The following GRM7 variants were observed in gnomAD, a reference collection of about 807,000 sequenced individuals.
GRM7 encodes glutamate metabotropic receptor 7.
GRM7 carries 35 observed loss-of-function variants against 84.5 expected under a neutral mutation model. The ratio of observed to expected loss-of-function variants is 0.41; its 90% CI spans 0.32 to 0.55. The LOEUF (loss-of-function observed/expected upper bound fraction) is 0.55, where lower values mean the gene tolerates loss of function less well. Ranked by LOEUF, GRM7 falls within the 20% of genes least tolerant of loss-of-function variation. The pLI is 0.19. For synonymous variants in GRM7, 487 were observed against 455.1 expected, an observed-to-expected ratio of 1.07 and a Z score of -0.89; for missense variants, 1,003 against 1,194.6, an observed-to-expected ratio of 0.84 and a Z score of 2.36.
At chr3:7,294,467 C>G (rs1699746288) in intron 2 of GRM7, among the ~76,000 whole-genome samples, 2 of 151,850 alleles carry the variant, frequency 1.3e-5, no homozygotes, top group African/African-American at 4.8e-5. Context: ...AGGGATATGT[C>G]TGTTGCTGGC....
chr3:7,165,854 G>A lies in GRM7; in HGVS notation c.736+19186G>A, dbSNP rs576133811. Among the ~76,000 whole-genome samples, 37 of 152,132 alleles carry A rather than the reference G, an allele frequency of 2.4e-4. No homozygotes were observed. In the South Asian group the frequency reaches 7.3e-3, roughly 30 times the overall value. ...TAACAATACTTGTATTATTTATTTG[G>A]CATTGACAATCCATTATTTTTTCTC... is the stretch of plus-strand genomic sequence containing the variant. On this transcript the variant is annotated intron_variant, in intron 2 of 9. Transcript: ENST00000357716.
chr3:7,256,243 T>C (rs1368544423), intron 2 of GRM7, among the ~76,000 whole-genome samples: 3 of 152,214 alleles, frequency 2.0e-5, no homozygotes, highest in Non-Finnish European at 4.4e-5. Flanking sequence ...TATTTATAAG[T>C]TTATAGTTTC....
chr3:7,527,175 A>T, intron 7 of GRM7, among the ~76,000 whole-genome samples: 1 of 151,686 alleles, frequency 6.6e-6, no homozygotes, highest in Non-Finnish European at 1.5e-5. Flanking sequence ...ACATTTTTTC[A>T]TTTCTTTTGT....
At chr3:6,975,195 T>TA (rs1693942474) in intron 1 of GRM7, among the ~76,000 whole-genome samples, 1 of 152,104 alleles carries the variant, frequency 6.6e-6, no homozygotes, top group Admixed American at 6.6e-5. Context: ...ATTTTCTCAG[T>TA]AAAAATTCCC....
rs369261195 is a variant in GRM7 at position 7,143,265 on chromosome 3, A to C, written c.520-3187A>C. Among the ~76,000 whole-genome samples, 424 of 152,310 alleles carry C rather than the reference A, an allele frequency of 2.8e-3. 1 individual carries two copies. The highest frequency in any genetic ancestry group is 4.8e-3 in the Non-Finnish European group (328 of 68,020). On this transcript the variant is annotated intron_variant, in intron 1 of 9. Transcript: ENST00000357716. ...CATTAACTTGAAAGCAAGTAACTAA[A>C]CATGAAGCATAATAGCCAGGACAAT...
At chr3:7,370,562 A>T in intron 4 of GRM7, among the ~76,000 whole-genome samples, 1 of 144,298 alleles carries the variant, frequency 6.9e-6, no homozygotes, top group Non-Finnish European at 1.5e-5. Context: ...TTTATAAATT[A>T]CTCATGAAGG....
At chr3:7,677,562 A>C (rs1700185263) in intron 8 of GRM7, among the ~76,000 whole-genome samples, 1 of 152,216 alleles carries the variant, frequency 6.6e-6, no homozygotes, top group African/African-American at 2.4e-5. Flanking sequence ...TGTAGAAAAA[A>C]TATGATTAGT....
At chr3:7,408,368 A>G (rs749899027) in intron 4 of GRM7, among the ~76,000 whole-genome samples, 2 of 152,166 alleles carry the variant, frequency 1.3e-5, no homozygotes, top group Non-Finnish European at 2.9e-5. Flanking sequence ...TACCTCATCC[A>G]TAAACACTTC....
At chr3:7,715,696 G>A (rs1701749132) in intron 9 of GRM7, among the ~76,000 whole-genome samples, 1 of 152,096 alleles carries the variant, frequency 6.6e-6, no homozygotes, top group Non-Finnish European at 1.5e-5. Flanking sequence ...AAGTCACACA[G>A]TAAATCACAG....
chr3:7,300,003 A>T (rs963157481), intron 3 of GRM7, among the ~76,000 whole-genome samples: 1 of 151,428 alleles, frequency 6.6e-6, no homozygotes, highest in African/African-American at 2.4e-5. Context: ...ATATATTATA[A>T]ATATTTATAA....
chr3:7,029,322 A>C (rs547010867), intron 1 of GRM7, among the ~76,000 whole-genome samples: 2,978 of 151,682 alleles, frequency 0.02, 52 homozygotes, highest in South Asian at 0.041. Flanking sequence ...AAACAAAAAA[A>C]AAAAACAAAC....
intron 7 of GRM7, among the ~76,000 whole-genome samples, chr3:7,489,719 A>T (rs1464093597): frequency 6.6e-6 from 1 of 152,136 alleles, no homozygotes; most frequent in Admixed American, 6.6e-5. Flanking sequence ...TTTATTAGGT[A>T]TATATAGTAT....
At chr3:7,210,589 T>TAATTG (rs1696388901) in intron 2 of GRM7, among the ~76,000 whole-genome samples, 1 of 152,108 alleles carries the variant, frequency 6.6e-6, no homozygotes, top group Non-Finnish European at 1.5e-5. Flanking sequence ...TTTTGTAATT[T>TAATTG]AAGATCCTGC....
At chr3:7,292,041 G>A (rs1048079026) in intron 2 of GRM7, among the ~76,000 whole-genome samples, 4 of 152,154 alleles carry the variant, frequency 2.6e-5, no homozygotes, top group Non-Finnish European at 5.9e-5. Flanking sequence ...CTTCTGCCAT[G>A]ATCGTGAGGC....
chr3:7,693,705 CCTT>C, intron 9 of GRM7: 3 of 1,483,660 alleles, frequency 2.0e-6, no homozygotes, highest in Non-Finnish European at 2.7e-6. Context: ...AAGTATCTGT[CCTT>C]CTAAGTGTCC....
intron 1 of GRM7, among the ~76,000 whole-genome samples, chr3:6,906,068 A>G (rs140180212): frequency 6.6e-6 from 1 of 152,322 alleles, no homozygotes; most frequent in Non-Finnish European, 1.5e-5. Flanking sequence ...TTCAACTGGG[A>G]ACATTTTTCT....
rs1289746130 is a variant in GRM7, at chr3:7,591,702, A to G, written c.2451+12345A>G. Reference sequence around the variant, plus strand: ...GTGCAAATCAGAGTCCAGAACACCAATTGTTGAACATTCTCTGTGTATCAA... The same window carrying G: ...GTGCAAATCAGAGTCCAGAACACCAGTTGTTGAACATTCTCTGTGTATCAA... On this transcript the variant is annotated intron_variant, in intron 8 of 9. Coordinates refer to ENST00000357716, the MANE Select transcript of GRM7 (RefSeq NM_000844.4). 2.6e-5 allele frequency among the ~76,000 whole-genome samples: 4 copies of G among 152,190 alleles called. 1 individual carries two copies. The South Asian group carries it at 6.2e-4, about 24-fold the overall frequency.
In GRM7 at chr3:7,420,815, T is replaced by C. The variant is rs190130141; in HGVS notation, c.1174+5652T>C. 2.4e-4 allele frequency among the ~76,000 whole-genome samples: 36 copies of C among 152,304 alleles called. No homozygotes were observed. The East Asian group carries it at 6.4e-3, about 27-fold the overall frequency. On this transcript the variant is annotated intron_variant, in intron 5 of 9. Coordinates refer to ENST00000357716, the MANE Select transcript of GRM7 (RefSeq NM_000844.4). ...TACAGAAAGGCTAAGGTATATAACT[T>C]TGAGGATTTAGTAAGGCATTCTCTA...
At chr3:7,730,315 G>T (rs1040623400) in intron 9 of GRM7, among the ~76,000 whole-genome samples, 14 of 151,966 alleles carry the variant, frequency 9.2e-5, no homozygotes, top group African/African-American at 2.9e-4. Flanking sequence ...CTGTTTTTTT[G>T]TTTGTTTGTT....
Sources: allele counts gnomAD v4.1 joint callset (sites outside exome capture counted in the v4.1 genomes callset), GRCh38; gene constraint gnomAD v4.1.1; transcripts MANE v1.5; gene names NCBI Gene and HGNC (gene_info 2026-07-23, HGNC 2026-07-21).